The following TMEM233 variants were observed in gnomAD, a reference collection of about 807,000 sequenced individuals.
TMEM233 encodes transmembrane protein 233.
Under a neutral mutation model 11.2 loss-of-function variants are expected in TMEM233, and 6 were observed. That is an observed-to-expected ratio of 0.54 (90% CI 0.29 to 1.06). TMEM233 has a LOEUF of 1.06. Ranked by LOEUF, TMEM233 falls within the 50% of genes least tolerant of loss-of-function variation. TMEM233 has a pLI of 0.08. For synonymous variants in TMEM233, 59 were observed against 55.8 expected (o/e 1.06, Z -0.26); for missense variants, 127 against 144.7 (o/e 0.88, Z 0.63).
At chr12:119,622,598 C>T (rs1439581597) in intron 1 of TMEM233, among the ~76,000 whole-genome samples, 1 of 152,148 alleles carries the variant, frequency 6.6e-6, no homozygotes, top group Non-Finnish European at 1.5e-5. Flanking sequence ...AAAAGAATTA[C>T]AGTGACATGT....
In TMEM233 at chr12:119,594,598, G is replaced by A. The variant is rs189137352; in HGVS notation, c.186+564G>A. ...TCCGCCACTCTCCGGGGGGTCCCCA[G>A]GCGATTCCTGATGCCCCCTCCTTGA... On this transcript the variant is annotated intron_variant, in intron 1 of 2. Coordinates refer to ENST00000426426, the MANE Select transcript of TMEM233 (RefSeq NM_001136534.3). This position sits in a 1 kb window ranked among gnomAD's most constrained non-coding sequence, Gnocchi z 5.6. The A allele has an allele frequency of 8.9e-4, 137 of 153,836 alleles. No homozygotes were observed. The highest frequency in any genetic ancestry group is 3.3e-3 in the Middle Eastern group (1 of 300). The allele number at this position is 153,836 out of a possible 1,614,324, so 9.5% of individuals were successfully genotyped here.
At chr12:119,653,821 A>C in the TMEM233 span, among the ~76,000 whole-genome samples, 2 of 152,126 alleles carry the variant, frequency 1.3e-5, no homozygotes, top group Non-Finnish European at 2.9e-5. Context: ...TGATTTGCAG[A>C]GAAGTATCAA....
intron 1 of TMEM233, among the ~76,000 whole-genome samples, chr12:119,601,327 T>C (rs1954159003): frequency 6.6e-6 from 1 of 152,142 alleles, no homozygotes. Context: ...GGACTAACAA[T>C]GGCTTCAGAA....
At chr12:119,597,960 A>G (rs1360380028) in intron 1 of TMEM233, among the ~76,000 whole-genome samples, 1 of 152,224 alleles carries the variant, frequency 6.6e-6, no homozygotes, top group Admixed American at 6.5e-5. Context: ...CCACCAGGGC[A>G]CATAGCTTGG....
At chr12:119,616,767 A>C (rs539441301) in intron 1 of TMEM233, among the ~76,000 whole-genome samples, 117 of 152,310 alleles carry the variant, frequency 7.7e-4, no homozygotes, top group African/African-American at 2.7e-3. Flanking sequence ...TAATTGAATC[A>C]TGGGGCCAGT....
At chr12:119,643,507 G>A (rs1323862393), downstream of TMEM233, among the ~76,000 whole-genome samples, 2 of 152,204 alleles carry the variant, frequency 1.3e-5, no homozygotes, top group Non-Finnish European at 2.9e-5. Flanking sequence ...GGTGGCTCAC[G>A]CCTGTAATCC....
At chr12:119,615,371 GA>G (rs1476770519) in intron 1 of TMEM233, among the ~76,000 whole-genome samples, 2 of 152,122 alleles carry the variant, frequency 1.3e-5, no homozygotes, top group Non-Finnish European at 2.9e-5. Flanking sequence ...TCAAATAAAT[GA>G]ATTAATGAAT....
At chr12:119,644,602 T>G (rs1334833772), downstream of TMEM233, among the ~76,000 whole-genome samples, 1 of 151,812 alleles carries the variant, frequency 6.6e-6, no homozygotes, top group Non-Finnish European at 1.5e-5. Flanking sequence ...TTCAGCTTCC[T>G]GAGTAGCTGG....
intron 2 of TMEM233, chr12:119,631,381 A>G (rs958635910): frequency 2.4e-6 from 1 of 412,846 alleles, no homozygotes; most frequent in Non-Finnish European, 3.3e-6. Context: ...TGGTAGATCC[A>G]CTTCCTATCA....
intron 2 of TMEM233, among the ~76,000 whole-genome samples, chr12:119,634,622 C>A (rs1410430120): frequency 6.6e-6 from 1 of 151,672 alleles, no homozygotes; most frequent in Non-Finnish European, 1.5e-5. Context: ...CAAAAAAAAA[C>A]AAAAACAAAA....
chr12:119,599,513 T>G (rs1389993655), intron 1 of TMEM233, among the ~76,000 whole-genome samples: 2 of 152,306 alleles, frequency 1.3e-5, no homozygotes, highest in East Asian at 3.9e-4. Flanking sequence ...AGAAATGAGA[T>G]GGTGACAAAA....
At chr12:119,643,506 C>G (rs1041021486), downstream of TMEM233, among the ~76,000 whole-genome samples, 1 of 152,204 alleles carries the variant, frequency 6.6e-6, no homozygotes, top group Admixed American at 6.5e-5. Flanking sequence ...CGGTGGCTCA[C>G]GCCTGTAATC....
intron 1 of TMEM233, among the ~76,000 whole-genome samples, chr12:119,606,663 C>G (rs989470275): frequency 6.6e-6 from 1 of 151,990 alleles, no homozygotes; most frequent in African/African-American, 2.4e-5. Context: ...GAAAGCCTCA[C>G]CAAGAGATTA....
At chr12:119,650,154 T>C in the TMEM233 span, among the ~76,000 whole-genome samples, 1 of 62,604 alleles carries the variant, frequency 1.6e-5, no homozygotes, top group Non-Finnish European at 3.4e-5. Context: ...CAAGACTCCA[T>C]CTCAAAAAAA....
At chr12:119,622,325 T>C (rs10849682) in intron 1 of TMEM233, among the ~76,000 whole-genome samples, 58,357 of 152,020 alleles carry the variant, frequency 0.38, 12,785 homozygotes, top group East Asian at 0.56. Context: ...TGACTGCATG[T>C]GCTTCTATAG....
intron 1 of TMEM233, among the ~76,000 whole-genome samples, chr12:119,623,553 C>CAAA (rs57936432): frequency 6.0e-4 from 81 of 135,732 alleles, no homozygotes; most frequent in East Asian, 1.7e-3. Context: ...ACCAAAAATA[C>CAAA]AAAAAAAAAA....
the TMEM233 span, among the ~76,000 whole-genome samples, chr12:119,653,959 T>C: frequency 9.0e-6 from 1 of 110,692 alleles, no homozygotes; most frequent in Non-Finnish European, 1.8e-5. Context: ...TCAACCTACA[T>C]ATCCAAGAAG....
At position 119,594,380 on chromosome 12, in the gene TMEM233, G is replaced by A. The variant is rs896768441; in HGVS notation, c.186+346G>A. On this transcript the variant is annotated intron_variant, in intron 1 of 2. Coordinates refer to ENST00000426426, the MANE Select transcript of TMEM233 (RefSeq NM_001136534.3). This position sits in a 1 kb window ranked among gnomAD's most constrained non-coding sequence, Gnocchi z 5.6. ...CTCTGACCTTCCTAGGCACTTGCCC[G>A]GGGCTTCTCAACCCTCTTTTCTAGA... is the stretch of plus-strand genomic sequence containing the variant. The A allele has an allele frequency of 8.4e-6, 2 of 238,676 alleles. No individual in the cohort carries two copies. The highest frequency in any genetic ancestry group is 5.2e-5 in the Admixed American group (1 of 19,374). 14.8% of individuals were successfully genotyped at this position (238,676 alleles called of 1,614,324 possible). A position where few individuals can be genotyped will look rare whatever the true frequency, so the allele number is the denominator to read the frequency against.
At chr12:119,603,196 AG>A (rs1277133880) in intron 1 of TMEM233, among the ~76,000 whole-genome samples, 16 of 152,174 alleles carry the variant, frequency 1.1e-4, no homozygotes, top group Non-Finnish European at 2.4e-4. Context: ...ACTTGAGCCC[AG>A]GAGGCAGAGG....
Sources: allele counts gnomAD v4.1 joint callset (sites outside exome capture counted in the v4.1 genomes callset), GRCh38; gene constraint gnomAD v4.1.1; non-coding constraint Gnocchi (gnomAD v3.1); transcripts MANE v1.5; gene names NCBI Gene and HGNC (gene_info 2026-07-23, HGNC 2026-07-21).